Variants in MYOM2 observed in about 807,000 individuals in gnomAD.
MYOM2 encodes myomesin 2, also known as myomesin-2.
Under a neutral mutation model 187.6 loss-of-function variants are expected in MYOM2, and 254 were observed. That is an observed-to-expected ratio of 1.35 (90% CI 1.22 to 1.50). The LOEUF (loss-of-function observed/expected upper bound fraction) is 1.50. Among genes scored for constraint, MYOM2 ranks in the 40% most tolerant of loss-of-function variants. MYOM2 has a pLI of 0.00. For synonymous variants in MYOM2, 981 were observed against 753.8 expected (o/e 1.30, Z -4.94); for missense variants, 2,796 against 1,924.0 (o/e 1.45, Z -8.48).
intron 6 of MYOM2, 41 bp from the exon 7 acceptor site, chr8:2,069,237 C>G (rs757416208): frequency 1.0e-5 from 16 of 1,583,454 alleles, no homozygotes; most frequent in Non-Finnish European, 1.4e-5. Context: ...GACTTTTACA[C>G]AACAGTCCCG....
intron 32 of MYOM2, among the ~76,000 whole-genome samples, chr8:2,138,950 TCCGACACACA>T (rs1798177427): frequency 3.4e-5 from 5 of 146,894 alleles, no homozygotes; most frequent in Admixed American, 6.7e-5. Flanking sequence ...CAGACTCAGT[TCCGACACACA>T]CTGCCAGCAC....
intron 1 of MYOM2, among the ~76,000 whole-genome samples, chr8:2,050,140 A>G (rs555310994): frequency 6.6e-6 from 1 of 152,104 alleles, no homozygotes; most frequent in Admixed American, 6.5e-5. Context: ...GCGTCTTTCC[A>G]GAGTGATTTC....
rs138875434 is a variant in MYOM2 at position 2,057,249 on chromosome 8, AACCC to A, written c.264-98_264-95del. 3.3e-5 allele frequency: 46 copies of A among 1,392,296 alleles called. No individual in the cohort carries two copies. In the East Asian group the frequency reaches 9.8e-4, roughly 30 times the overall value. 86.2% of individuals were successfully genotyped at this position (1,392,296 alleles called of 1,614,324 possible). On this transcript the variant is annotated intron_variant, in intron 3 of 36. Coordinates refer to ENST00000262113, the MANE Select transcript of MYOM2 (RefSeq NM_003970.4). ...TTCTCTTCTTGAACGCACTTAAGGA[AACCC>A]TAGGGAGAGAATGGGCATGCCCTTT...
In MYOM2 at chr8:2,084,959, A is replaced by G. The variant is rs1422579983; in HGVS notation, c.1517-304A>G. 4 of 348,980 alleles carry G rather than the reference A, an allele frequency of 1.1e-5. No individual in the cohort carries two copies. The South Asian group carries it at 1.4e-4, about 13-fold the overall frequency. 21.6% of individuals were successfully genotyped at this position (348,980 alleles called of 1,614,324 possible). A position where few individuals can be genotyped will look rare whatever the true frequency, so the allele number is the denominator to read the frequency against. On this transcript the variant is annotated intron_variant, in intron 13 of 36. Coordinates refer to ENST00000262113, the MANE Select transcript of MYOM2 (RefSeq NM_003970.4). ...CAGTCAGAGCCCCATTTCGGGTGCA[A>G]TGCCTGGTTTCTTCTGGTAAATCCT...
At chr8:2,082,531 T>C (rs1819664360) in intron 13 of MYOM2, among the ~76,000 whole-genome samples, 2 of 152,224 alleles carry the variant, frequency 1.3e-5, no homozygotes, top group African/African-American at 4.8e-5. Flanking sequence ...CGAGTTTTTC[T>C]CACCATTTTA....
Position 2,069,275 on chromosome 8 carries a change from A to T in MYOM2, c.654-3A>T, listed in dbSNP as rs1351002479. ...GACTTTCTCTTGTTTTTTTCTCTCC[A>T]AGGGCAGACTTTGACGACACTGCGA... On this transcript the variant is annotated splice_region_variant and splice_polypyrimidine_tract_variant and intron_variant, in intron 6 of 36. Transcript: ENST00000262113. The T allele has an allele frequency of 6.2e-7, 1 of 1,608,986 alleles. No homozygotes were observed. Among genetic ancestry groups the T allele is most frequent in the South Asian group, 1.1e-5 (1 of 90,754 alleles).
chr8:2,121,531 A>G (rs1797457943), intron 28 of MYOM2, among the ~76,000 whole-genome samples: 1 of 152,180 alleles, frequency 6.6e-6, no homozygotes, highest in African/African-American at 2.4e-5. Context: ...AATTTAATAC[A>G]TTTGATTTAC....
Position 2,087,974 on chromosome 8 carries a change from C to T in MYOM2, c.1645-2034C>T, listed in dbSNP as rs979931464. ...CACATTTTTAGAGAGAGGACTCCAC[C>T]GTGGAGCCAGTGTGTGGGCAGAACT... On this transcript the variant is annotated intron_variant, in intron 14 of 36. Coordinates refer to ENST00000262113, the MANE Select transcript of MYOM2 (RefSeq NM_003970.4). Among the ~76,000 whole-genome samples, 12 of 152,128 alleles carry T rather than the reference C, an allele frequency of 7.9e-5. No individual in the cohort carries two copies. The South Asian group carries it at 8.3e-4, about 10-fold the overall frequency.
At chr8:2,095,138 T>C (rs1233980848) in intron 17 of MYOM2, among the ~76,000 whole-genome samples, 1 of 152,210 alleles carries the variant, frequency 6.6e-6, no homozygotes, top group Non-Finnish European at 1.5e-5. Flanking sequence ...GCTGTTGGAT[T>C]TCCAAGGAAT....
intron 21 of MYOM2, among the ~76,000 whole-genome samples, chr8:2,104,622 A>G (rs959749317): frequency 9.2e-5 from 14 of 152,000 alleles, no homozygotes; most frequent in African/African-American, 3.4e-4. Flanking sequence ...AAAAAGAAAA[A>G]AAAAGTTTAT....
rs994444615 is a variant in MYOM2, at chr8:2,098,791, C to T, written c.2314-66C>T. On this transcript the variant is annotated intron_variant, in intron 18 of 36. Transcript: ENST00000262113. ...ATTTCACAAGCCAGTTATAACAACT[C>T]CTCCCCCTCAGTGGGCTGTAAGGCA... is the stretch of plus-strand genomic sequence containing the variant. 7 of 1,489,306 alleles carry T rather than the reference C, an allele frequency of 4.7e-6. No homozygotes were observed. The African/African-American group carries it at 5.6e-5, about 12-fold the overall frequency. The allele number at this position is 1,489,306 out of a possible 1,614,324, so 92.3% of individuals were successfully genotyped here.
At chr8:2,130,698 C>G (rs1451673411) in intron 32 of MYOM2, among the ~76,000 whole-genome samples, 2 of 152,140 alleles carry the variant, frequency 1.3e-5, no homozygotes, top group Non-Finnish European at 2.9e-5. Flanking sequence ...TTTATTCAAA[C>G]TCAAATGGAG....
intron 24 of MYOM2, 42 bp downstream of exon 24, chr8:2,108,872 G>T: frequency 6.3e-7 from 1 of 1,598,798 alleles, no homozygotes; most frequent in Admixed American, 1.7e-5. Flanking sequence ...TGCAGCTGCT[G>T]GCTGGAGGGC....
At chr8:2,072,217 C>G in intron 8 of MYOM2, 128 bp from the exon 9 acceptor site, 1 of 421,180 alleles carries the variant, frequency 2.4e-6, no homozygotes, top group East Asian at 6.3e-5. Context: ...GACAACAGAG[C>G]GAGACTCCGT....
At chr8:2,090,858 C>A (rs985395571) in intron 15 of MYOM2, among the ~76,000 whole-genome samples, 1 of 152,160 alleles carries the variant, frequency 6.6e-6, no homozygotes, top group Non-Finnish European at 1.5e-5. Flanking sequence ...TTTTCTCTAT[C>A]CAATGTCATT....
chr8:2,086,761 G>A (rs1387976463), intron 14 of MYOM2, among the ~76,000 whole-genome samples: 2 of 152,232 alleles, frequency 1.3e-5, no homozygotes, highest in Non-Finnish European at 2.9e-5. Context: ...GACTGAGCTT[G>A]AGGGTTCTAG....
At chr8:2,134,318 G>A (rs77623505) in intron 32 of MYOM2, among the ~76,000 whole-genome samples, 19,796 of 152,036 alleles carry the variant, frequency 0.13, 2,174 homozygotes, top group African/African-American at 0.28. Flanking sequence ...ACGCCCCTCT[G>A]TCTGGGTTTA....
Position 2,069,296 on chromosome 8 carries a change from T to C in MYOM2, c.672T>C (p.Thr224=), listed in dbSNP as rs17064642. 0.017 allele frequency: 26,632 copies of C among 1,612,516 alleles called. 339 individuals carry two copies. The highest frequency in any genetic ancestry group is 0.053 in the East Asian group (2,356 of 44,840). The change falls in exon 7 of 37, where the codon ACT becomes ACC. Residue 224 remains threonine, a synonymous_variant. Coordinates refer to ENST00000262113, the MANE Select transcript of MYOM2 (RefSeq NM_003970.4). ...CTCCAAGGGCAGACTTTGACGACAC[T>C]GCGACATACTCAGCAGTGGCCACCA... ...LEINRADFDD[T]ATYSAVATNA... is the part of the protein sequence containing the mutation.
Position 2,052,201 on chromosome 8 carries a change from CGG to C in MYOM2, c.152_153del (p.Arg51LeufsTer30). The stretch of plus-strand genomic sequence containing the variant: ...ATCTTCCCAGAAGTCCTTGAGTCAG[CGG>C]TCGTCTTCACAGAGAGCCTCCAGCC... ...QASSQKSLSQRSSSQRASSQT... is the reference protein window; with the variant it reads ...QASSQKSLSQXSSSQRASSQT... On this transcript the variant is annotated frameshift_variant, in exon 3 of 37. Transcript: ENST00000262113. LOFTEE classifies it high-confidence loss of function. 1.2e-6 allele frequency: 2 copies of C among 1,613,134 alleles called. No homozygotes were observed. Among genetic ancestry groups the C allele is most frequent in the Non-Finnish European group, 1.7e-6 (2 of 1,179,616 alleles).
Sources: allele counts gnomAD v4.1 joint callset (sites outside exome capture counted in the v4.1 genomes callset), GRCh38; gene constraint gnomAD v4.1.1; transcripts MANE v1.5; gene names NCBI Gene and HGNC (gene_info 2026-07-23, HGNC 2026-07-21).